NIBAN3: variants seen among roughly 807,000 people sequenced by gnomAD.
NIBAN3 encodes protein Niban 3.
A neutral mutation model predicts 76.4 loss-of-function variants in NIBAN3; 66 were observed. The observed-to-expected ratio is 0.86, with a 90% CI of 0.71 to 1.06. The LOEUF (loss-of-function observed/expected upper bound fraction) is 1.06. Ranked by LOEUF, NIBAN3 falls within the 50% of genes least tolerant of loss-of-function variation. The pLI, the probability that NIBAN3 is intolerant of heterozygous loss-of-function variation, is 0.00. For missense variants in NIBAN3, 808 were observed against 810.7 expected, an observed-to-expected ratio of 1.00 and a Z score of 0.04; for synonymous variants, 360 against 355.2, an observed-to-expected ratio of 1.01 and a Z score of -0.15.
chr19:17,523,450 C>A, upstream of NIBAN3: 1 of 1,564,152 alleles, frequency 6.4e-7, no homozygotes, highest in South Asian at 1.2e-5. Flanking sequence ...TGGGGCCTGA[C>A]CGGAAGGAGG....
Position 17,543,526 on chromosome 19 carries a change from A to G in NIBAN3, c.1449A>G (p.Lys483=). The change falls in exon 12 of 15, where the codon AAA becomes AAG. Residue 483 remains lysine, a splice_region_variant and synonymous_variant. Coordinates refer to ENST00000599164, the MANE Select transcript of NIBAN3 (RefSeq NM_001321827.2). ...LERVRGRVLK[K]FKSDSGLAQR... ...GCACCGCTGGGTGTGTTGTGCAGAAATTCAAATCGGACAGCGGGTTGGCGC... is the reference window on the plus strand; with the variant it reads ...GCACCGCTGGGTGTGTTGTGCAGAAGTTCAAATCGGACAGCGGGTTGGCGC... The G allele has an allele frequency of 6.2e-7, 1 of 1,614,144 alleles. No homozygotes were observed. Among genetic ancestry groups the G allele is most frequent in the Non-Finnish European group, 8.5e-7 (1 of 1,180,030 alleles).
At position 17,553,413 on chromosome 19, in the gene NIBAN3, A is replaced by C; in HGVS notation, c.*1515A>C. The C allele has an allele frequency of 6.2e-7, 1 of 1,614,142 alleles. No individual in the cohort carries two copies. On this transcript the variant is annotated 3_prime_UTR_variant, in exon 15 of 15. Transcript: ENST00000599164. ...AGTCATCTGCTAACTGGATATTGGC[A>C]GCTTCTCTGCTGTCTTGCAGCTGCT...
At chr19:17,549,358 C>G (rs2076116210) in intron 13 of NIBAN3, 86 bp from the exon 14 acceptor site, 1 of 922,996 alleles carries the variant, frequency 1.1e-6, no homozygotes, top group Admixed American at 2.2e-5. Context: ...CTGCTTGAGA[C>G]ATTTGTAGTC....
chr19:17,555,022 T>C (rs2076201049), downstream of NIBAN3, among the ~76,000 whole-genome samples: 1 of 151,848 alleles, frequency 6.6e-6, no homozygotes, highest in Non-Finnish European at 1.5e-5. Flanking sequence ...AGCGTTTCCA[T>C]GAAAACATGG....
intron 8 of NIBAN3, 58 bp downstream of exon 8, chr19:17,539,823 G>C: frequency 7.5e-7 from 1 of 1,337,156 alleles, no homozygotes; most frequent in Non-Finnish European, 1.0e-6. Flanking sequence ...GGGGAAAAAG[G>C]GGCGTGACCT....
intron 4 of NIBAN3, among the ~76,000 whole-genome samples, chr19:17,535,999 C>T (rs907516092): frequency 1.3e-5 from 2 of 152,126 alleles, no homozygotes; most frequent in African/African-American, 4.8e-5. Context: ...AGCAAAATGA[C>T]CAGTTCCAAG....
rs1292588128 is a variant in NIBAN3 at position 17,539,765 on chromosome 19, A to C, written c.979A>C (p.Thr327Pro). ...QRARVAGRLR[T>P]DIRGPLESCL... ...GGCGCGTGTGGCGGGGCGGCTGAGGAGTGAGGCCCTGGGGCGGAGCCTGGG... is the reference window on the plus strand; with the variant it reads ...GGCGCGTGTGGCGGGGCGGCTGAGGCGTGAGGCCCTGGGGCGGAGCCTGGG... Residue 327 changes from threonine (T) to proline (P), a missense_variant and splice_region_variant, in exon 8 of 15, where the codon ACG (threonine) becomes CCG (proline). Physicochemically the swap from Thr to Pro is conservative, Grantham distance 38. Transcript: ENST00000599164. 6.6e-7 allele frequency: 1 copy of C among 1,526,324 alleles called. No individual in the cohort carries two copies. The highest frequency in any genetic ancestry group is 2.5e-5 in the East Asian group (1 of 40,536). The allele number at this position is 1,526,324 out of a possible 1,614,324, so 94.5% of individuals were successfully genotyped here.
chr19:17,533,835 C>A, intron 4 of NIBAN3, 134 bp downstream of exon 4: 1 of 664,678 alleles, frequency 1.5e-6, no homozygotes, highest in Non-Finnish European at 2.6e-6. Flanking sequence ...CTTCCACCCA[C>A]TCCCTGCCTG....
At chr19:17,540,764 C>T (rs968970751) in intron 9 of NIBAN3, among the ~76,000 whole-genome samples, 182 bp downstream of exon 9, 3 of 152,154 alleles carry the variant, frequency 2.0e-5, no homozygotes, top group Admixed American at 1.3e-4. Flanking sequence ...ACAGGGGTGT[C>T]GCTCTGTCAC....
At chr19:17,531,167 C>CA (rs975898390) in intron 2 of NIBAN3, among the ~76,000 whole-genome samples, 19 of 150,830 alleles carry the variant, frequency 1.3e-4, no homozygotes, top group South Asian at 6.3e-4. Context: ...ACTAAAAATA[C>CA]AAAAAAAAAT....
downstream of NIBAN3, among the ~76,000 whole-genome samples, chr19:17,554,761 T>C (rs1260807876): frequency 7.6e-6 from 1 of 132,118 alleles, no homozygotes; most frequent in East Asian, 2.1e-4. Context: ...GCCGGGGCAA[T>C]GGAGTGAGAC....
intron 4 of NIBAN3, 43 bp downstream of exon 4, chr19:17,533,744 G>C: frequency 7.1e-7 from 1 of 1,416,526 alleles, no homozygotes; most frequent in Non-Finnish European, 1.0e-6. Context: ...CTCCACCCCA[G>C]CATCATTAAC....
intron 4 of NIBAN3, among the ~76,000 whole-genome samples, chr19:17,533,971 A>C (rs573966930): frequency 6.6e-6 from 1 of 152,046 alleles, no homozygotes; most frequent in East Asian, 1.9e-4. Flanking sequence ...CAAACAAACA[A>C]ACACCCACTC....
intron 14 of NIBAN3, among the ~76,000 whole-genome samples, chr19:17,549,986 A>G (rs2076128864): frequency 6.6e-6 from 1 of 151,802 alleles, no homozygotes; most frequent in Non-Finnish European, 1.5e-5. Context: ...TGCCCAGCTA[A>G]TTTTTGTATT....
At chr19:17,524,538 G>A (rs1159026567), upstream of NIBAN3, among the ~76,000 whole-genome samples, 1 of 150,548 alleles carries the variant, frequency 6.6e-6, no homozygotes, top group Non-Finnish European at 1.5e-5. Flanking sequence ...GCCTGCCTCG[G>A]CCTCCCAAAG....
intron 4 of NIBAN3, among the ~76,000 whole-genome samples, chr19:17,534,609 G>A (rs1222620341): frequency 6.6e-6 from 1 of 152,048 alleles, no homozygotes; most frequent in Non-Finnish European, 1.5e-5. Flanking sequence ...GGCTAACATG[G>A]TGAAACCCCA....
rs1477416740 is a variant in NIBAN3, at chr19:17,539,379, T to C, written c.744T>C (p.Leu248=). ...CCGCGGTGCTGATGCGGGAGCAACT[T>C]CCCGCGCTGCGAGCCCAGACCCTTC... ...VLTAVLMREQ[L]PALRAQTLPG... is the part of the protein sequence containing the mutation. Residue 248 remains leucine (L), a synonymous_variant, in exon 7 of 15, where the codon CTT becomes CTC. Coordinates refer to ENST00000599164, the MANE Select transcript of NIBAN3 (RefSeq NM_001321827.2). The C allele has an allele frequency of 1.3e-6, 2 of 1,541,580 alleles. No individual in the cohort carries two copies. Among genetic ancestry groups the C allele is most frequent in the Non-Finnish European group, 1.7e-6 (2 of 1,146,260 alleles).
intron 5 of NIBAN3, 36 bp downstream of exon 5, chr19:17,537,579 A>C: frequency 1.3e-6 from 2 of 1,533,310 alleles, no homozygotes; most frequent in Non-Finnish European, 1.7e-6. Flanking sequence ...TTGTGGGGCT[A>C]ATGGTCTGGG....
At chr19:17,529,233 A>G (rs566217660) in intron 1 of NIBAN3, among the ~76,000 whole-genome samples, 7 of 152,096 alleles carry the variant, frequency 4.6e-5, no homozygotes, top group Non-Finnish European at 8.8e-5. Context: ...GGATTCAAAG[A>G]GTTACTCTAT....
Sources: gnomAD v4.1 joint callset for allele counts (sites outside exome capture counted in the v4.1 genomes callset) on GRCh38, gnomAD v4.1.1 for gene constraint, MANE v1.5 for transcripts, NCBI Gene and HGNC (gene_info 2026-07-23, HGNC 2026-07-21) for gene names.